LRRK2: variants seen among roughly 807,000 people sequenced by gnomAD.
LRRK2 encodes leucine rich repeat kinase 2.
Under a neutral mutation model 302.6 loss-of-function variants are expected in LRRK2, and 203 were observed. The ratio of observed to expected loss-of-function variants is 0.67; its 90% CI spans 0.60 to 0.75. The LOEUF is 0.75. Ranked by LOEUF, LRRK2 falls within the 30% of genes least tolerant of loss-of-function variation. LRRK2 has a pLI of 0.00. For missense variants in LRRK2, 2,830 were observed against 2,951.0 expected (o/e 0.96, Z 0.95); for synonymous variants, 1,066 against 1,031.9 (o/e 1.03, Z -0.63).
At chr12:40,232,458 C>CT in intron 3 of LRRK2, 75 bp downstream of exon 3, 2 of 1,056,840 alleles carry the variant, frequency 1.9e-6, no homozygotes, top group East Asian at 4.7e-5. Context: ...CCTTGATACA[C>CT]TGTGTTTGCA....
At chr12:40,337,788 T>A (rs576213948) in intron 40 of LRRK2, among the ~76,000 whole-genome samples, 14 of 152,316 alleles carry the variant, frequency 9.2e-5, no homozygotes, top group Non-Finnish European at 1.9e-4. Flanking sequence ...TCTGTATGCC[T>A]CTTGCTTCCC....
intron 5 of LRRK2, 87 bp from the exon 6 acceptor site, chr12:40,240,396 C>T: frequency 8.1e-7 from 1 of 1,239,708 alleles, no homozygotes; most frequent in Non-Finnish European, 1.2e-6. Flanking sequence ...GTATCTCACA[C>T]AACTATAATG....
At chr12:40,352,397 G>T (rs1176017820) in intron 44 of LRRK2, among the ~76,000 whole-genome samples, 1 of 150,682 alleles carries the variant, frequency 6.6e-6, no homozygotes, top group South Asian at 2.1e-4. Flanking sequence ...AGACTTCAAA[G>T]ACAACCTAGT....
intron 7 of LRRK2, among the ~76,000 whole-genome samples, chr12:40,246,321 A>G (rs542939960): frequency 6.6e-6 from 1 of 152,034 alleles, no homozygotes; most frequent in East Asian, 1.9e-4. Context: ...ATACTAAGCT[A>G]CTGTGCACTT....
In LRRK2 at chr12:40,262,499, A is replaced by C. The variant is rs567226448; in HGVS notation, c.1544-1290A>C. On this transcript the variant is annotated intron_variant, in intron 13 of 50. Coordinates refer to ENST00000298910, the MANE Select transcript of LRRK2 (RefSeq NM_198578.4). ...TTGTGCAACAATCTTGTCCTGAACA[A>C]CTGTTGTATTTAAAGCACTATGTCT... is the stretch of plus-strand genomic sequence containing the variant. 1.1e-3 allele frequency among the ~76,000 whole-genome samples: 162 copies of C among 152,274 alleles called. 1 individual carries two copies. Among genetic ancestry groups the C allele is most frequent in the Non-Finnish European group, 2.1e-3 (142 of 68,020 alleles).
intron 11 of LRRK2, among the ~76,000 whole-genome samples, chr12:40,254,551 C>G (rs1942416806): frequency 6.6e-6 from 1 of 152,294 alleles, no homozygotes; most frequent in Middle Eastern, 3.4e-3. Context: ...AAAATGAGGA[C>G]TGGACTTTGT....
At chr12:40,239,573 T>C (rs990762170) in intron 5 of LRRK2, among the ~76,000 whole-genome samples, 3 of 152,154 alleles carry the variant, frequency 2.0e-5, no homozygotes, top group Non-Finnish European at 2.9e-5. Flanking sequence ...CCATCAGTGC[T>C]GAGAGGGTTA....
At chr12:40,257,443 A>C in intron 12 of LRRK2, 66 bp downstream of exon 12, 1 of 1,546,246 alleles carries the variant, frequency 6.5e-7, no homozygotes, top group Non-Finnish European at 8.9e-7. Context: ...TCAATATTTC[A>C]AGCATATTTC....
intron 41 of LRRK2, among the ~76,000 whole-genome samples, chr12:40,344,684 G>A (rs951526288): frequency 1.3e-5 from 2 of 152,066 alleles, no homozygotes; most frequent in African/African-American, 2.4e-5. Flanking sequence ...TTATGTCACA[G>A]GTGCACTTTA....
intron 38 of LRRK2, among the ~76,000 whole-genome samples, chr12:40,324,939 G>A (rs1417227937): frequency 6.6e-6 from 1 of 152,144 alleles, no homozygotes; most frequent in Non-Finnish European, 1.5e-5. Flanking sequence ...ATTAAAATGT[G>A]TTTCAGATGA....
chr12:40,353,278 C>T lies in LRRK2; in HGVS notation c.6577-1021C>T, dbSNP rs190188813. 4.8e-3 allele frequency among the ~76,000 whole-genome samples: 84 copies of T among 17,356 alleles called. 9 individuals are homozygous for T. In the East Asian group the frequency reaches 0.063, roughly 13 times the overall value. 11.4% of individuals were successfully genotyped at this position (17,356 alleles called of 152,430 possible). A position where few individuals can be genotyped will look rare whatever the true frequency, so the allele number is the denominator to read the frequency against. On this transcript the variant is annotated intron_variant, in intron 44 of 50. Transcript: ENST00000298910. ...CTCACTTCTCAGACGGGGCGGCTGCCGGGCAGAGGGACTCCTCACTTCTCA... is the reference window on the plus strand; with the variant it reads ...CTCACTTCTCAGACGGGGCGGCTGCTGGGCAGAGGGACTCCTCACTTCTCA...
Position 40,310,657 on chromosome 12 carries a change from G to A in LRRK2, c.4536+8G>A. Reference sequence around the variant, plus strand: ...GAGAGCCTTAATTTCAAGGTAACATGGTAGGCTGGTAGAGAAATGTAATTT... The same window carrying A: ...GAGAGCCTTAATTTCAAGGTAACATAGTAGGCTGGTAGAGAAATGTAATTT... On this transcript the variant is annotated splice_region_variant and intron_variant, in intron 31 of 50. Coordinates refer to ENST00000298910, the MANE Select transcript of LRRK2 (RefSeq NM_198578.4). 1 of 1,611,526 alleles carries A rather than the reference G, an allele frequency of 6.2e-7. No individual in the cohort carries two copies. Among genetic ancestry groups the A allele is most frequent in the Admixed American group, 1.7e-5 (1 of 59,890 alleles).
At chr12:40,349,249 T>G (rs1946283485) in intron 43 of LRRK2, among the ~76,000 whole-genome samples, 1 of 152,198 alleles carries the variant, frequency 6.6e-6, no homozygotes, top group Admixed American at 6.5e-5. Flanking sequence ...GTACACTGTC[T>G]TCCACTGATC....
chr12:40,322,420 C>T lies in LRRK2; in HGVS notation c.5419C>T (p.Leu1807=). ...TGATATTTGTGGTGAAGGAGAAACT[C>T]TGTTGAAGAAATGGGCATTATATAG... ...EIDICGEGET[L]LKKWALYSFN... is the part of the protein sequence containing the mutation. The change falls in exon 37 of 51, where the codon CTG becomes TTG. Residue 1807 remains leucine (L), a synonymous_variant. Transcript: ENST00000298910. 6.2e-7 allele frequency: 1 copy of T among 1,613,284 alleles called. No homozygotes were observed.
intron 41 of LRRK2, among the ~76,000 whole-genome samples, chr12:40,345,300 GA>G (rs916978654): frequency 6.6e-6 from 1 of 151,932 alleles, no homozygotes; most frequent in Non-Finnish European, 1.5e-5. Context: ...TTTTTATTTT[GA>G]AAATGTTTAA....
chr12:40,340,280 G>A lies in LRRK2; in HGVS notation c.5949-14G>A. ...ATCACATTTGAATAAGATTTCCTGT[G>A]CATTTTCTGGCAGATACCTCCACTC... On this transcript the variant is annotated splice_polypyrimidine_tract_variant and intron_variant, in intron 40 of 50. Transcript: ENST00000298910. 6.2e-7 allele frequency: 1 copy of A among 1,613,082 alleles called. No homozygotes were observed. The highest frequency in any genetic ancestry group is 1.7e-5 in the Admixed American group (1 of 59,990).
In LRRK2 at chr12:40,323,005, T is replaced by C. The variant is rs111784869; in HGVS notation, c.5510-155T>C. On this transcript the variant is annotated intron_variant, in intron 37 of 50. Transcript: ENST00000298910. Reference sequence around the variant, plus strand: ...ATAGATACTAAGTGAATCTTTAAAATGTTCTCAAATTTCCTAGAGAAATAT... The same window carrying C: ...ATAGATACTAAGTGAATCTTTAAAACGTTCTCAAATTTCCTAGAGAAATAT... Among the ~76,000 whole-genome samples, 127 of 152,236 alleles carry C rather than the reference T, an allele frequency of 8.3e-4. 1 individual carries two copies. Among genetic ancestry groups the C allele is most frequent in the African/African-American group, 2.9e-3 (121 of 41,574 alleles).
chr12:40,304,319 A>G (rs968615748), intron 27 of LRRK2, 185 bp downstream of exon 27: 22 of 614,044 alleles, frequency 3.6e-5, no homozygotes, highest in Non-Finnish European at 5.9e-5. Context: ...ACAGCTACTA[A>G]TGATGTGTCA....
intron 39 of LRRK2, among the ~76,000 whole-genome samples, chr12:40,334,195 C>A (rs1197883821): frequency 6.6e-6 from 1 of 152,198 alleles, no homozygotes; most frequent in African/African-American, 2.4e-5. Flanking sequence ...GAGAAGGATA[C>A]TGTGGCTAAC....
Sources: gnomAD v4.1 joint callset for allele counts (sites outside exome capture counted in the v4.1 genomes callset) on GRCh38, gnomAD v4.1.1 for gene constraint, MANE v1.5 for transcripts, NCBI Gene and HGNC (gene_info 2026-07-23, HGNC 2026-07-21) for gene names.